The following DCC variants were observed in gnomAD, a reference collection of about 807,000 sequenced individuals.
DCC encodes the protein netrin receptor DCC.
A neutral mutation model predicts 172.5 loss-of-function variants in DCC; 58 were observed. That is an observed-to-expected ratio of 0.34 (90% CI 0.27 to 0.42). DCC has a LOEUF of 0.42. DCC is among the 10% of genes least tolerant of loss of function. The probability of loss-of-function intolerance (pLI) is 1.00; values close to 1 mark genes in which losing one functional copy is unlikely to be tolerated. For missense variants in DCC, 1,740 were observed against 1,791.0 expected (o/e 0.97, Z 0.51); for synonymous variants, 709 against 644.5 (o/e 1.10, Z -1.52).
chr18:53,036,567 T>A (rs995875679), intron 5 of DCC, among the ~76,000 whole-genome samples: 1 of 152,090 alleles, frequency 6.6e-6, no homozygotes, highest in East Asian at 1.9e-4. Flanking sequence ...GGAACATGTG[T>A]GTCTCAATAC....
intron 13 of DCC, among the ~76,000 whole-genome samples, chr18:53,312,378 T>C (rs1442573397): frequency 1.4e-5 from 2 of 137,954 alleles, no homozygotes; most frequent in African/African-American, 5.3e-5. Context: ...AAGAAAAAGA[T>C]AAAGATTACC....
intron 2 of DCC, among the ~76,000 whole-genome samples, chr18:52,822,952 C>G (rs2038434588): frequency 6.6e-6 from 1 of 152,056 alleles, no homozygotes; most frequent in South Asian, 2.1e-4. Flanking sequence ...GAAAGTAAGT[C>G]AAAACATGAG....
chr18:52,697,645 A>T (rs907025552), intron 1 of DCC, among the ~76,000 whole-genome samples: 12 of 152,328 alleles, frequency 7.9e-5, no homozygotes, highest in African/African-American at 2.9e-4. Flanking sequence ...TTCTGACTTT[A>T]TAGTTTTAGG....
chr18:53,346,097 A>G (rs72927224), intron 15 of DCC, among the ~76,000 whole-genome samples: 17,498 of 152,024 alleles, frequency 0.12, 1,085 homozygotes, highest in East Asian at 0.21. Context: ...AGGCTCAAGT[A>G]ATCCTGCTGC....
At chr18:52,917,526 G>A (rs1224752318) in intron 3 of DCC, among the ~76,000 whole-genome samples, 1 of 152,146 alleles carries the variant, frequency 6.6e-6, no homozygotes, top group African/African-American at 2.4e-5. Context: ...TGTAATGATT[G>A]TAGACTGGTC....
At chr18:52,375,680 G>A (rs931591067) in intron 1 of DCC, among the ~76,000 whole-genome samples, 4 of 152,122 alleles carry the variant, frequency 2.6e-5, no homozygotes, top group Non-Finnish European at 4.4e-5. Context: ...AATTTTAAAT[G>A]GAAGTATAGT....
At chr18:52,950,978 A>C (rs2040637551) in intron 5 of DCC, among the ~76,000 whole-genome samples, 1 of 143,370 alleles carries the variant, frequency 7.0e-6, no homozygotes, top group Admixed American at 7.2e-5. Context: ...AAAAGTCTGA[A>C]TATATCTCTT....
rs1195475387 is a variant in DCC, at chr18:52,383,260, T to G, written c.91+42382T>G. On this transcript the variant is annotated intron_variant, in intron 1 of 28. Transcript: ENST00000442544. ...ACCTCTTACTCTAAATTTATAGGAT[T>G]GTCCATCTTACCATATTCCATGCAA... Among the ~76,000 whole-genome samples, 7 of 152,262 alleles carry G rather than the reference T, an allele frequency of 4.6e-5. No individual in the cohort carries two copies. In the East Asian group the frequency reaches 1.2e-3, roughly 25 times the overall value.
intron 2 of DCC, among the ~76,000 whole-genome samples, chr18:52,818,784 C>T (rs751651846): frequency 6.6e-6 from 1 of 152,178 alleles, no homozygotes; most frequent in Non-Finnish European, 1.5e-5. Context: ...ATGCATAACA[C>T]AGATAAATTG....
At chr18:52,656,394 A>G (rs1207743345) in intron 1 of DCC, among the ~76,000 whole-genome samples, 1 of 152,096 alleles carries the variant, frequency 6.6e-6, no homozygotes, top group East Asian at 1.9e-4. Context: ...CAGACATTCA[A>G]TCCGCCACCA....
At chr18:52,776,532 G>A (rs1864024611) in intron 2 of DCC, among the ~76,000 whole-genome samples, 1 of 152,140 alleles carries the variant, frequency 6.6e-6, no homozygotes. Context: ...AAGATTAAAT[G>A]GAGGGGAAGG....
intron 2 of DCC, among the ~76,000 whole-genome samples, chr18:52,856,069 G>C (rs2039048513): frequency 6.6e-6 from 1 of 151,850 alleles, no homozygotes; most frequent in Admixed American, 6.6e-5. Context: ...CCCGCCATTA[G>C]AGTCTAAATT....
intron 2 of DCC, among the ~76,000 whole-genome samples, chr18:52,862,724 TA>T (rs754671223): frequency 3.7e-4 from 56 of 151,788 alleles, no homozygotes; most frequent in Non-Finnish European, 6.6e-4. Context: ...CTAAAAAAAT[TA>T]AAAAAAATTC....
At chr18:52,872,961 A>G (rs993549426) in intron 2 of DCC, among the ~76,000 whole-genome samples, 19 of 152,228 alleles carry the variant, frequency 1.2e-4, no homozygotes, top group African/African-American at 4.6e-4. Flanking sequence ...AGACGAACTA[A>G]TGAAAAAAGG....
At chr18:52,963,486 C>T (rs1036192880) in intron 5 of DCC, among the ~76,000 whole-genome samples, 3 of 151,984 alleles carry the variant, frequency 2.0e-5, no homozygotes, top group Non-Finnish European at 4.4e-5. Context: ...ATTTAGTGAA[C>T]AAAAGAGGGA....
At chr18:53,329,844 A>G (rs79737093) in intron 14 of DCC, among the ~76,000 whole-genome samples, 293 of 152,306 alleles carry the variant, frequency 1.9e-3, no homozygotes, top group African/African-American at 6.1e-3. Context: ...GAATCAGCAT[A>G]GTACTATCTG....
chr18:52,980,910 C>G (rs749335463), intron 5 of DCC, among the ~76,000 whole-genome samples: 3 of 149,774 alleles, frequency 2.0e-5, no homozygotes, highest in Non-Finnish European at 4.4e-5. Context: ...AAGTCACAAA[C>G]CTTCTAATTG....
chr18:52,527,813 T>C (rs562640315), intron 1 of DCC, among the ~76,000 whole-genome samples: 5 of 152,218 alleles, frequency 3.3e-5, no homozygotes, highest in Non-Finnish European at 7.3e-5. Context: ...CTATACCTAT[T>C]TGGCATGTAC....
At chr18:52,951,612 C>T (rs994756588) in intron 5 of DCC, among the ~76,000 whole-genome samples, 1 of 152,176 alleles carries the variant, frequency 6.6e-6, no homozygotes, top group Non-Finnish European at 1.5e-5. Flanking sequence ...AGGGCATGAA[C>T]TCATTCTTTT....
Sources: gnomAD v4.1 joint callset for allele counts (sites outside exome capture counted in the v4.1 genomes callset) on GRCh38, gnomAD v4.1.1 for gene constraint, MANE v1.5 for transcripts, NCBI Gene and HGNC (gene_info 2026-07-23, HGNC 2026-07-21) for gene names.